Variants in KATNBL1 observed in about 807,000 individuals in gnomAD.
The protein encoded by KATNBL1 is KATNB1-like protein 1.
Under a neutral mutation model 44.7 loss-of-function variants are expected in KATNBL1, and 28 were observed. The ratio of observed to expected loss-of-function variants is 0.63; its 90% CI spans 0.46 to 0.86. The LOEUF (loss-of-function observed/expected upper bound fraction) is 0.86. Among genes scored for constraint, KATNBL1 ranks in the 40% least tolerant of loss-of-function variants. The probability of loss-of-function intolerance (pLI) is 0.00; values close to 1 mark genes in which losing one functional copy is unlikely to be tolerated. For synonymous variants in KATNBL1, 78 were observed against 114.9 expected (o/e 0.68, Z 2.06); for missense variants, 272 against 350.7 (o/e 0.78, Z 1.79).
chr15:34,182,473 T>C (rs1386750929), intron 1 of KATNBL1, among the ~76,000 whole-genome samples: 2 of 152,124 alleles, frequency 1.3e-5, no homozygotes, highest in Non-Finnish European at 2.9e-5. Context: ...AGAGTGACCA[T>C]AGAATTTATC....
intron 2 of KATNBL1, among the ~76,000 whole-genome samples, chr15:34,163,346 A>G (rs905011570): frequency 1.3e-5 from 2 of 152,164 alleles, no homozygotes; most frequent in Non-Finnish European, 2.9e-5. Context: ...GCCCAGCCCG[A>G]TTAAAAACCT....
intron 1 of KATNBL1, among the ~76,000 whole-genome samples, chr15:34,196,593 C>T (rs1413385357): frequency 6.6e-6 from 1 of 150,870 alleles, no homozygotes; most frequent in African/African-American, 2.4e-5. Context: ...CCAGGCGTGG[C>T]GGCAGGCACC....
intron 2 of KATNBL1, among the ~76,000 whole-genome samples, chr15:34,159,173 G>T (rs1395930853): frequency 2.0e-5 from 3 of 151,994 alleles, no homozygotes; most frequent in South Asian, 2.1e-4. Context: ...TGTTAATAGG[G>T]CTGTTGCTGC....
At chr15:34,154,809 G>T in intron 2 of KATNBL1, 125 bp from the exon 3 acceptor site, 1 of 679,178 alleles carries the variant, frequency 1.5e-6, no homozygotes. Flanking sequence ...TGCCAATCGT[G>T]CCTGGAGTGG....
Position 34,152,872 on chromosome 15 carries a change from C to T in KATNBL1, c.356G>A (p.Arg119Gln), listed in dbSNP as rs369374470. 4.6e-5 allele frequency: 74 copies of T among 1,613,692 alleles called. No individual in the cohort carries two copies. Among genetic ancestry groups the T allele is most frequent in the African/African-American group, 2.0e-4 (15 of 74,900 alleles). ...ATCACTGGAGTTAACCAAATATGTT[C>T]GACTATCATGGTGTAATTTTTCAGG... ...HLPEKLHHDS[R>Q]TYLVNSSDSG... Residue 119 changes from arginine (R) to glutamine (Q), a missense_variant, in exon 4 of 10, where the codon CGA becomes CAA. Coordinates refer to ENST00000256544, the MANE Select transcript of KATNBL1 (RefSeq NM_024713.3).
At chr15:34,143,793 C>CAA (rs560420668) in intron 9 of KATNBL1, among the ~76,000 whole-genome samples, 44 of 64,150 alleles carry the variant, frequency 6.9e-4, no homozygotes, top group South Asian at 2.3e-3. Flanking sequence ...ACTAAAAATA[C>CAA]AAAAAAAAAA....
intron 1 of KATNBL1, among the ~76,000 whole-genome samples, chr15:34,199,136 T>C (rs1339786397): frequency 6.6e-6 from 1 of 152,164 alleles, no homozygotes; most frequent in Non-Finnish European, 1.5e-5. Context: ...GGTTTATTCC[T>C]ATTAAGAAAA....
intron 2 of KATNBL1, among the ~76,000 whole-genome samples, chr15:34,157,461 G>A (rs903626668): frequency 2.0e-5 from 3 of 152,184 alleles, no homozygotes; most frequent in Non-Finnish European, 4.4e-5. Context: ...GCTGATGTTG[G>A]TGTACTGGAA....
chr15:34,172,764 C>CACAG (rs752930894), intron 1 of KATNBL1, among the ~76,000 whole-genome samples: 27 of 38,308 alleles, frequency 7.0e-4, no homozygotes, highest in South Asian at 2.9e-3. Flanking sequence ...GACACAGACA[C>CACAG]ACACACACAC....
At chr15:34,189,947 CT>C (rs61022097) in intron 1 of KATNBL1, among the ~76,000 whole-genome samples, 87,322 of 141,690 alleles carry the variant, frequency 0.62, 27,443 homozygotes, top group Non-Finnish European at 0.7. Flanking sequence ...GAAGTACATT[CT>C]TTTTTTTTTT....
Position 34,141,800 on chromosome 15 carries a change from T to C in KATNBL1, c.*539A>G, listed in dbSNP as rs1311987576. 1 of 152,558 alleles carries C rather than the reference T, an allele frequency of 6.6e-6. No individual in the cohort carries two copies. The highest frequency in any genetic ancestry group is 6.5e-5 in the Admixed American group (1 of 15,268). 9.5% of individuals were successfully genotyped at this position (152,558 alleles called of 1,614,324 possible). A position where few individuals can be genotyped will look rare whatever the true frequency, so the allele number is the denominator to read the frequency against. On this transcript the variant is annotated 3_prime_UTR_variant, in exon 10 of 10. Transcript: ENST00000256544. ...TTATTAATAATTAAGGCATTTTACA[T>C]ACACAGTATCTCAGTGTGAACAAAA...
chr15:34,146,878 A>G (rs1411405439), intron 7 of KATNBL1, 28 bp from the exon 8 acceptor site: 3 of 1,401,066 alleles, frequency 2.1e-6, no homozygotes, highest in Non-Finnish European at 3.0e-6. Flanking sequence ...TACAAAATTC[A>G]AGTGTTTTCA....
chr15:34,147,028 C>T, intron 7 of KATNBL1, 172 bp downstream of exon 7: 2 of 640,488 alleles, frequency 3.1e-6, no homozygotes, highest in Non-Finnish European at 5.6e-6. Flanking sequence ...TTTAGAGATG[C>T]TTTTATAATT....
At chr15:34,168,584 C>G (rs1001884321) in intron 1 of KATNBL1, among the ~76,000 whole-genome samples, 4 of 152,180 alleles carry the variant, frequency 2.6e-5, no homozygotes, top group African/African-American at 7.2e-5. Flanking sequence ...CTGCACCAAG[C>G]TGACCTAACA....
intron 1 of KATNBL1, among the ~76,000 whole-genome samples, chr15:34,172,247 G>A (rs1889183501): frequency 9.2e-6 from 1 of 108,446 alleles, no homozygotes. Flanking sequence ...TCCTTGGGAG[G>A]AACATATTCT....
At chr15:34,143,793 C>CAAAAAAAA (rs560420668) in intron 9 of KATNBL1, among the ~76,000 whole-genome samples, 224 of 64,128 alleles carry the variant, frequency 3.5e-3, no homozygotes, top group Middle Eastern at 8.8e-3. Flanking sequence ...ACTAAAAATA[C>CAAAAAAAA]AAAAAAAAAA....
intron 1 of KATNBL1, among the ~76,000 whole-genome samples, chr15:34,170,047 C>T (rs1371125820): frequency 6.6e-6 from 1 of 152,208 alleles, no homozygotes; most frequent in Non-Finnish European, 1.5e-5. Flanking sequence ...GATGCCCTCT[C>T]TCACCACTCC....
intron 2 of KATNBL1, 115 bp from the exon 3 acceptor site, chr15:34,154,799 T>G (rs766086746): frequency 5.6e-6 from 4 of 711,954 alleles, no homozygotes; most frequent in Non-Finnish European, 1.0e-5. Context: ...TGCAGAAGGG[T>G]GCCAATCGTG....
chr15:34,165,072 A>T (rs996234621), intron 1 of KATNBL1, among the ~76,000 whole-genome samples: 7 of 152,220 alleles, frequency 4.6e-5, no homozygotes, highest in African/African-American at 7.2e-5. Flanking sequence ...CTAGAGTGAG[A>T]TTTTTTGAAA....
Sources: allele counts gnomAD v4.1 joint callset (sites outside exome capture counted in the v4.1 genomes callset), GRCh38; gene constraint gnomAD v4.1.1; transcripts MANE v1.5; gene names NCBI Gene and HGNC (gene_info 2026-07-23, HGNC 2026-07-21).